The following JAG2 variants were observed in gnomAD, a reference collection of about 807,000 sequenced individuals.
JAG2 encodes protein jagged-2.
In JAG2, 46 loss-of-function variants were observed where a neutral mutation model predicts 141.7. That is an observed-to-expected ratio of 0.32 (90% CI 0.26 to 0.42). The LOEUF is 0.42. Among genes scored for constraint, JAG2 ranks in the 10% least tolerant of loss-of-function variants. JAG2 has a pLI of 1.00. For missense variants in JAG2, 1,500 were observed against 1,817.5 expected (o/e 0.83, Z 3.18); for synonymous variants, 862 against 763.5 (o/e 1.13, Z -2.13).
intron 25 of JAG2, 26 bp downstream of exon 25, chr14:105,143,456 C>A (rs376344828): frequency 1.9e-5 from 29 of 1,541,458 alleles, no homozygotes; most frequent in Admixed American, 3.9e-5. Flanking sequence ...CTGGTGCCTT[C>A]CCAGGGGCCC....
In JAG2 at chr14:105,167,716, G is replaced by T; in HGVS notation, c.417+41C>A. On this transcript the variant is annotated intron_variant, in intron 2 of 25. Coordinates refer to ENST00000331782, the MANE Select transcript of JAG2 (RefSeq NM_002226.5). This position sits in a 1 kb window ranked among gnomAD's most constrained non-coding sequence, Gnocchi z 4.8. The stretch of plus-strand genomic sequence containing the variant: ...AGCGCGCGGGGCCGGGGCGCGGAGA[G>T]AGAGGGAAGGGCTGGAGCACGAGGG... 1.4e-6 allele frequency: 2 copies of T among 1,395,322 alleles called. No individual in the cohort carries two copies. The highest frequency in any genetic ancestry group is 3.0e-5 in the South Asian group (2 of 66,238). 86.4% of individuals were successfully genotyped at this position (1,395,322 alleles called of 1,614,324 possible). A position where few individuals can be genotyped will look rare whatever the true frequency, so the allele number is the denominator to read the frequency against.
rs1208208684 is a variant in JAG2, at chr14:105,142,731, C to A, written c.3681G>T (p.Arg1227Ser). 6.2e-7 allele frequency: 1 copy of A among 1,608,274 alleles called. No homozygotes were observed. The highest frequency in any genetic ancestry group is 1.7e-5 in the Admixed American group (1 of 59,740). ...SGPKVDNRAV[R>S]SINEARYAGK... ...CGGCGTAGCGGGCCTCATTGATGCT[C>A]CTGACCGCGCGGTTGTCCACTTTGG... Residue 1227 changes from arginine to serine, a missense_variant, in exon 26 of 26, where the codon AGG (arginine) becomes AGT (serine). Physicochemically the swap from Arg to Ser is moderately radical, Grantham distance 110. This residue lies in a region of JAG2 where 425 missense variants were observed against 441.0 expected (regional missense o/e 0.96). Transcript: ENST00000331782.
chr14:105,158,131 G>C (rs1014358679), intron 2 of JAG2, among the ~76,000 whole-genome samples: 26 of 152,082 alleles, frequency 1.7e-4, no homozygotes, highest in African/African-American at 5.6e-4. Context: ...CACAGACAGG[G>C]GCCCCATGGG....
rs1555369843 is a variant in JAG2, at chr14:105,148,454, G to A, written c.2021-15C>T. Reference sequence around the variant, plus strand: ...GTCGTTGGGATCTGGGGGCGAGGACGCCGGTCAGCGGGCGGGGGGTCACCG... The same window carrying A: ...GTCGTTGGGATCTGGGGGCGAGGACACCGGTCAGCGGGCGGGGGGTCACCG... On this transcript the variant is annotated splice_polypyrimidine_tract_variant and intron_variant, in intron 15 of 25. Coordinates refer to ENST00000331782, the MANE Select transcript of JAG2 (RefSeq NM_002226.5). The A allele has an allele frequency of 6.3e-6, 10 of 1,596,724 alleles. No individual in the cohort carries two copies. The highest frequency in any genetic ancestry group is 1.7e-4 in the Middle Eastern group (1 of 5,982).
chr14:105,157,694 G>C lies in JAG2; in HGVS notation c.475+12C>G. 1 of 1,555,924 alleles carries C rather than the reference G, an allele frequency of 6.4e-7. No homozygotes were observed. Among genetic ancestry groups the C allele is most frequent in the Non-Finnish European group, 8.7e-7 (1 of 1,151,020 alleles). On this transcript the variant is annotated intron_variant, in intron 3 of 25. Transcript: ENST00000331782. ...CTGAGAGGAGCTGCCACCTGGCCCA[G>C]GGCTCACTCACCATTCGGGGTGGTA...
chr14:105,151,213 C>CA (rs1555370222), intron 9 of JAG2, 70 bp downstream of exon 9: 3 of 1,372,522 alleles, frequency 2.2e-6, no homozygotes, highest in South Asian at 2.5e-5. Flanking sequence ...CAGCAGCCCC[C>CA]GCAGCCCCAG....
chr14:105,147,692 G>A (rs1442650727), intron 18 of JAG2, 80 bp downstream of exon 18: 1 of 1,149,792 alleles, frequency 8.7e-7, no homozygotes, highest in African/African-American at 1.5e-5. Flanking sequence ...CTGGCAGAAG[G>A]GACTGGGGGG....
Position 105,148,802 on chromosome 14 carries a change from C to G in JAG2, c.1963G>C (p.Val655Leu), listed in dbSNP as rs1455079771. The change falls in exon 15 of 26, where the codon GTG becomes CTG. Residue 655 changes from valine (V) to leucine (L), a missense_variant. By Grantham distance (32) the Val-to-Leu change is conservative. Transcript: ENST00000331782. ...GGGCAGAAGCAGCGGAAGGCGTCCA[C>G]CTCATCGATGCATGTGCCCCCATTG... ...CRNGGTCIDE[V>L]DAFRCFCPSG... 1 of 1,598,426 alleles carries G rather than the reference C, an allele frequency of 6.3e-7. No homozygotes were observed. The highest frequency in any genetic ancestry group is 1.7e-5 in the Admixed American group (1 of 58,358).
intron 2 of JAG2, among the ~76,000 whole-genome samples, chr14:105,166,059 T>C (rs924175626): frequency 6.6e-6 from 1 of 152,192 alleles, no homozygotes; most frequent in African/African-American, 2.4e-5. Context: ...GACTCTGCCC[T>C]GGCCCCCAAC....
At chr14:105,148,300 G>C in intron 16 of JAG2, 26 bp downstream of exon 16, 1 of 1,601,160 alleles carries the variant, frequency 6.2e-7, no homozygotes, top group Non-Finnish European at 8.5e-7. Flanking sequence ...GGCAGCCCCA[G>C]GCGGCCAGGG....
intron 2 of JAG2, among the ~76,000 whole-genome samples, chr14:105,163,380 C>A (rs1888814417): frequency 6.6e-6 from 1 of 152,170 alleles, no homozygotes; most frequent in Non-Finnish European, 1.5e-5. Context: ...CCAGCCAGGG[C>A]CTTGCCTGGG....
intron 25 of JAG2, 51 bp downstream of exon 25, chr14:105,143,431 G>A (rs1471079273): frequency 1.7e-5 from 26 of 1,531,762 alleles, no homozygotes; most frequent in Admixed American, 3.9e-5. Flanking sequence ...TGTGCCCAAT[G>A]CCTGAGTTGC....
At chr14:105,162,284 AC>A (rs946617224) in intron 2 of JAG2, among the ~76,000 whole-genome samples, 2 of 146,532 alleles carry the variant, frequency 1.4e-5, no homozygotes, top group African/African-American at 5.0e-5. Flanking sequence ...GGCCTGACCC[AC>A]CCCCACCGCA....
chr14:105,149,308 G>A lies in JAG2; in HGVS notation c.1615C>T (p.Leu539Phe). The change falls in exon 13 of 26, where the codon CTT becomes TTT. Residue 539 changes from leucine to phenylalanine, a missense_variant. Around this residue, in one of 3 missense-constraint regions of JAG2, gnomAD observed 875 missense variants for 1,202.2 expected, o/e 0.73. Coordinates refer to ENST00000331782, the MANE Select transcript of JAG2 (RefSeq NM_002226.5). Reference protein sequence around the residue: ...SGPLCEVDVDLCEPSPCRNGA... With the variant: ...SGPLCEVDVDFCEPSPCRNGA... ...TTCCGGCAGGGGCTTGGCTCACAAA[G>A]GTCGACATCCACCTGCAGGGTGGGG... 6.2e-7 allele frequency: 1 copy of A among 1,612,688 alleles called. No homozygotes were observed. The highest frequency in any genetic ancestry group is 8.5e-7 in the Non-Finnish European group (1 of 1,179,986).
intron 5 of JAG2, 28 bp from the exon 6 acceptor site, chr14:105,152,319 C>G (rs374674008): frequency 6.2e-7 from 1 of 1,609,816 alleles, no homozygotes; most frequent in Non-Finnish European, 8.5e-7. Flanking sequence ...GGCGCAAGAC[C>G]CAGTGAGCTG....
Position 105,148,381 on chromosome 14 carries a change from G to T in JAG2, c.2079C>A (p.Val693=). The T allele has an allele frequency of 6.2e-7, 1 of 1,612,260 alleles. No individual in the cohort carries two copies. The highest frequency in any genetic ancestry group is 1.1e-5 in the South Asian group (1 of 91,054). ...CHSRGRCYDL[V]NDFYCACDDG... is the part of the protein sequence containing the mutation. ...CGTCGCACGCACAGTAGAAGTCATTGACCAGGTCGTAGCAGCGGCCGCGGC... is the reference window on the plus strand; with the variant it reads ...CGTCGCACGCACAGTAGAAGTCATTTACCAGGTCGTAGCAGCGGCCGCGGC... The change falls in exon 16 of 26, where the codon GTC becomes GTA. Residue 693 remains valine (V), a synonymous_variant. Coordinates refer to ENST00000331782, the MANE Select transcript of JAG2 (RefSeq NM_002226.5).
intron 3 of JAG2, among the ~76,000 whole-genome samples, chr14:105,156,325 G>A (rs1029265537): frequency 2.0e-5 from 3 of 152,022 alleles, no homozygotes; most frequent in East Asian, 1.9e-4. Flanking sequence ...TGAGTCTCAC[G>A]TCCCACACCT....
chr14:105,160,819 C>T (rs1426876256), intron 2 of JAG2, among the ~76,000 whole-genome samples: 1 of 150,416 alleles, frequency 6.6e-6, no homozygotes, highest in Non-Finnish European at 1.5e-5. Flanking sequence ...GCCGAGATCG[C>T]ACCATTGCAC....
At position 105,157,616 on chromosome 14, in the gene JAG2, G is replaced by A. The variant is rs1257426560; in HGVS notation, c.475+90C>T. The A allele has an allele frequency of 2.4e-6, 3 of 1,230,226 alleles. No homozygotes were observed. In the Admixed American group the frequency reaches 5.9e-5, roughly 24 times the overall value. The allele number at this position is 1,230,226 out of a possible 1,614,324, so 76.2% of individuals were successfully genotyped here. On this transcript the variant is annotated intron_variant, in intron 3 of 25. Transcript: ENST00000331782. ...ACACATGATCCTCAGGGTAAAGCAA[G>A]GCTTTGTCCCAAGCAGACAGAGGAG...
Sources: allele counts gnomAD v4.1 joint callset (sites outside exome capture counted in the v4.1 genomes callset), GRCh38; gene constraint gnomAD v4.1.1; regional missense constraint gnomAD v4.1.1; non-coding constraint Gnocchi (gnomAD v3.1); transcripts MANE v1.5; gene names NCBI Gene and HGNC (gene_info 2026-07-23, HGNC 2026-07-21).